Variants in DUSP4 observed in about 807,000 individuals in gnomAD.
DUSP4 encodes the protein dual specificity protein phosphatase 4.
DUSP4 carries 12 observed loss-of-function variants against 27.2 expected under a neutral mutation model. The observed-to-expected ratio is 0.44, with a 90% confidence interval of 0.28 to 0.71. DUSP4 has a LOEUF of 0.71. Ranked by LOEUF, DUSP4 falls within the 30% of genes least tolerant of loss-of-function variation. The pLI is 0.14. For synonymous variants in DUSP4, 257 were observed against 245.2 expected (o/e 1.05, Z -0.45); for missense variants, 448 against 551.3 (o/e 0.81, Z 1.88).
intron 3 of DUSP4, 42 bp downstream of exon 3, chr8:29,338,240 C>T (rs199987827): frequency 1.3e-6 from 2 of 1,583,514 alleles, no homozygotes; most frequent in African/African-American, 1.3e-5. Context: ...ATCCTTCCCA[C>T]CCGCCCTCAA....
chr8:29,349,148 C>A (rs1418572764), intron 1 of DUSP4, among the ~76,000 whole-genome samples: 1 of 152,224 alleles, frequency 6.6e-6, no homozygotes, highest in Admixed American at 6.5e-5. Flanking sequence ...CTCCGCTGCC[C>A]GGATTTGCAG....
intron 2 of DUSP4, 124 bp from the exon 3 acceptor site, chr8:29,338,625 G>T: frequency 1.8e-6 from 2 of 1,101,706 alleles, no homozygotes; most frequent in South Asian, 3.1e-5. Context: ...TGCTGGGCCT[G>T]GCCCTCCCAG....
rs1817729228 is a variant in DUSP4, at chr8:29,345,992, G to A, written c.433+3854C>T. The A allele has an allele frequency of 5.3e-6, 4 of 749,640 alleles. No individual in the cohort carries two copies. In the African/African-American group the frequency reaches 9.7e-5, roughly 18 times the overall value. The allele number at this position is 749,640 out of a possible 1,614,324, so 46.4% of individuals were successfully genotyped here. ...TTTTCCCTTTAGGTAGAAAAGGTATGCAATATTGACATCCCCCAGAGCTGT... is the reference window on the plus strand; with the variant it reads ...TTTTCCCTTTAGGTAGAAAAGGTATACAATATTGACATCCCCCAGAGCTGT... On this transcript the variant is annotated intron_variant, in intron 1 of 3. Transcript: ENST00000240100.
Position 29,340,139 on chromosome 8 carries a change from C to A in DUSP4, c.538G>T (p.Asp180Tyr), listed in dbSNP as rs756558274. 5 of 1,602,314 alleles carry A rather than the reference C, an allele frequency of 3.1e-6. No individual in the cohort carries two copies. The African/African-American group carries it at 5.4e-5, about 17-fold the overall frequency. ...GTCCCACAGGAGCTGCAGCCCAGGT[C>A]CAAGGGCTCTGTGGCACTGGGGGGA... The part of the protein sequence containing the change: ...PVPPSATEPL[D>Y]LGCSSCGTPL... Residue 180 changes from aspartate (D) to tyrosine (Y), a missense_variant, in exon 2 of 4, where the codon GAC (aspartate) becomes TAC (tyrosine). Physicochemically the swap from Asp to Tyr is radical, Grantham distance 160. Transcript: ENST00000240100.
At chr8:29,340,444 C>T (rs1225028258) in intron 1 of DUSP4, among the ~76,000 whole-genome samples, 2 of 152,164 alleles carry the variant, frequency 1.3e-5, no homozygotes, top group Non-Finnish European at 2.9e-5. Flanking sequence ...CTCGTCAGGA[C>T]TGCAGCAAAG....
rs540449468 is a variant in DUSP4, at chr8:29,334,336, G to C, written c.*2690C>G. On this transcript the variant is annotated 3_prime_UTR_variant, in exon 4 of 4. Coordinates refer to ENST00000240100, the MANE Select transcript of DUSP4 (RefSeq NM_001394.7). Reference sequence around the variant, plus strand: ...GGGTGGTATCTTCATCAGAGCTATTGTAAGTCATCCAAAAGGCTTCTGACG... The same window carrying C: ...GGGTGGTATCTTCATCAGAGCTATTCTAAGTCATCCAAAAGGCTTCTGACG... The C allele has an allele frequency of 1.3e-5, 2 of 152,212 alleles. No individual in the cohort carries two copies. Among genetic ancestry groups the C allele is most frequent in the Non-Finnish European group, 2.9e-5 (2 of 68,036 alleles). 9.4% of individuals were successfully genotyped at this position (152,212 alleles called of 1,614,324 possible).
intron 1 of DUSP4, among the ~76,000 whole-genome samples, chr8:29,342,594 A>G (rs1015899109): frequency 3.3e-5 from 5 of 152,154 alleles, no homozygotes; most frequent in Non-Finnish European, 7.4e-5. Context: ...GGAGACCTCC[A>G]GACCTCCATC....
intron 1 of DUSP4, chr8:29,345,632 A>G (rs1817722229): frequency 6.7e-7 from 1 of 1,492,196 alleles, no homozygotes; most frequent in South Asian, 1.4e-5. Context: ...TGGCTCGGGA[A>G]AGTGGCCACC....
At chr8:29,348,433 G>A (rs1012804172) in intron 1 of DUSP4, 114 of 985,010 alleles carry the variant, frequency 1.2e-4, no homozygotes, top group Non-Finnish European at 1.3e-4. Context: ...GAAGGGAGGG[G>A]GACTGGGCTC....
At position 29,350,359 on chromosome 8, in the gene DUSP4, G is replaced by A. The variant is rs1226467954; in HGVS notation, c.-81C>T. 5.5e-6 allele frequency: 8 copies of A among 1,463,342 alleles called. No homozygotes were observed. The highest frequency in any genetic ancestry group is 6.3e-6 in the Non-Finnish European group (7 of 1,109,702). The allele number at this position is 1,463,342 out of a possible 1,614,324, so 90.6% of individuals were successfully genotyped here. On this transcript the variant is annotated 5_prime_UTR_variant, in exon 1 of 4. Coordinates refer to ENST00000240100, the MANE Select transcript of DUSP4 (RefSeq NM_001394.7). Reference sequence around the variant, plus strand: ...GCCTAGGCTGCAGAAAGGGGCGGGCGAGAGCTAAGAAGGGACGCCTGCAGA... The same window carrying A: ...GCCTAGGCTGCAGAAAGGGGCGGGCAAGAGCTAAGAAGGGACGCCTGCAGA...
In DUSP4 at chr8:29,350,523, G is replaced by A. The variant is rs994456090; in HGVS notation, c.-245C>T. ...GCCGGGCGGCGCGCAGAGCGGAGGGGGAGGCGCCGGTGGAGGAGAGTGTGT... is the reference window on the plus strand; with the variant it reads ...GCCGGGCGGCGCGCAGAGCGGAGGGAGAGGCGCCGGTGGAGGAGAGTGTGT... On this transcript the variant is annotated 5_prime_UTR_variant, in exon 1 of 4. Coordinates refer to ENST00000240100, the MANE Select transcript of DUSP4 (RefSeq NM_001394.7). 5 of 528,176 alleles carry A rather than the reference G, an allele frequency of 9.5e-6. No individual in the cohort carries two copies. In the African/African-American group the frequency reaches 9.9e-5, roughly 10 times the overall value. The allele number at this position is 528,176 out of a possible 1,614,324, so 32.7% of individuals were successfully genotyped here.
At chr8:29,343,377 C>T (rs1817683522) in intron 1 of DUSP4, among the ~76,000 whole-genome samples, 1 of 152,026 alleles carries the variant, frequency 6.6e-6, no homozygotes. Flanking sequence ...ATGTTCTGGG[C>T]TGGTGGAGCC....
At position 29,335,187 on chromosome 8, in the gene DUSP4, T is replaced by C. The variant is rs550768290; in HGVS notation, c.*1839A>G. On this transcript the variant is annotated 3_prime_UTR_variant, in exon 4 of 4. Transcript: ENST00000240100. ...CCACAATACTACAAACAAAATAGCATGTAGCTTGTTCCCTCCTCCCTCCCC... is the reference window on the plus strand; with the variant it reads ...CCACAATACTACAAACAAAATAGCACGTAGCTTGTTCCCTCCTCCCTCCCC... 6.6e-6 allele frequency: 1 copy of C among 152,262 alleles called. No individual in the cohort carries two copies. Among genetic ancestry groups the C allele is most frequent in the East Asian group, 1.9e-4 (1 of 5,184 alleles). 9.4% of individuals were successfully genotyped at this position (152,262 alleles called of 1,614,324 possible). A position where few individuals can be genotyped will look rare whatever the true frequency, so the allele number is the denominator to read the frequency against.
intron 1 of DUSP4, chr8:29,345,446 TG>T (rs1244374100): frequency 2.5e-6 from 4 of 1,613,970 alleles, no homozygotes; most frequent in Admixed American, 1.7e-5. Context: ...GGGCTCGAAC[TG>T]GTTTGCAGTC....
At chr8:29,347,690 A>T (rs1217117026) in intron 1 of DUSP4, 8 of 953,908 alleles carry the variant, frequency 8.4e-6, no homozygotes, top group African/African-American at 1.8e-5. Flanking sequence ...GTCGGGGCCG[A>T]CTACGAGAGG....
In DUSP4 at chr8:29,336,105, A is replaced by G. The variant is rs1817568896; in HGVS notation, c.*921T>C. On this transcript the variant is annotated 3_prime_UTR_variant, in exon 4 of 4. Coordinates refer to ENST00000240100, the MANE Select transcript of DUSP4 (RefSeq NM_001394.7). ...TTTTTTTTCTTTTCTTTTTTTTTAA[A>G]AAAGCAATTCAAACCTAATTCTTCC... 1 of 152,140 alleles carries G rather than the reference A, an allele frequency of 6.6e-6. No individual in the cohort carries two copies. Among genetic ancestry groups the G allele is most frequent in the Non-Finnish European group, 1.5e-5 (1 of 68,018 alleles). The allele number at this position is 152,140 out of a possible 1,614,324, so 9.4% of individuals were successfully genotyped here.
At position 29,350,386 on chromosome 8, in the gene DUSP4, G is replaced by A. The variant is rs1817806303; in HGVS notation, c.-108C>T. The stretch of plus-strand genomic sequence containing the variant: ...GAGCTAAGAAGGGACGCCTGCAGAA[G>A]TGGCCGCAAACTTGGTCCTCAAGGG... On this transcript the variant is annotated 5_prime_UTR_variant, in exon 1 of 4. Transcript: ENST00000240100. 3 of 1,361,418 alleles carry A rather than the reference G, an allele frequency of 2.2e-6. No homozygotes were observed. The highest frequency in any genetic ancestry group is 2.9e-6 in the Non-Finnish European group (3 of 1,031,322). 84.3% of individuals were successfully genotyped at this position (1,361,418 alleles called of 1,614,324 possible). A position where few individuals can be genotyped will look rare whatever the true frequency, so the allele number is the denominator to read the frequency against.
intron 1 of DUSP4, chr8:29,345,543 C>T (rs1470531570): frequency 5.8e-6 from 9 of 1,546,346 alleles, no homozygotes; most frequent in Non-Finnish European, 7.8e-6. Context: ...GCTTCCTCTT[C>T]GTTAGCCAGG....
chr8:29,339,122 G>T (rs1817619393), intron 2 of DUSP4, among the ~76,000 whole-genome samples: 1 of 152,216 alleles, frequency 6.6e-6, no homozygotes. Context: ...CTTTGAAGCT[G>T]CAGTGAGCTA....
Sources: allele counts gnomAD v4.1 joint callset (sites outside exome capture counted in the v4.1 genomes callset), GRCh38; gene constraint gnomAD v4.1.1; transcripts MANE v1.5; gene names NCBI Gene and HGNC (gene_info 2026-07-23, HGNC 2026-07-21).